The following CIMAP1C variants were observed in gnomAD, a reference collection of about 807,000 sequenced individuals.
CIMAP1C encodes the protein outer dense fiber of sperm tails 3 like 1.
chr15:75,726,212 T>TGGGGGGTGGGGGGGTG, the CIMAP1C span: 1 of 495,100 alleles, frequency 2.0e-6, no homozygotes, highest in Non-Finnish European at 3.7e-6. Flanking sequence ...GTTGGGAGGT[T>TGGGGGGTGGGGGGGTG]GGGGGGTGGG....
the CIMAP1C span, chr15:75,724,346 G>A: frequency 2.0e-6 from 3 of 1,481,542 alleles, no homozygotes; most frequent in Non-Finnish European, 2.8e-6. Context: ...CTGGGCTTGG[G>A]CCCCCTCCCC....
the CIMAP1C span, among the ~76,000 whole-genome samples, chr15:75,725,825 T>C: frequency 6.6e-6 from 1 of 152,272 alleles, no homozygotes; most frequent in Admixed American, 6.5e-5. Context: ...ATTGGGTGGG[T>C]GGCTGCCCAA....
the CIMAP1C span, chr15:75,726,214 G>T: frequency 8.0e-7 from 1 of 1,251,966 alleles, no homozygotes; most frequent in Non-Finnish European, 1.2e-6. Context: ...TGGGAGGTTG[G>T]GGGGTGGGGT....
the CIMAP1C span, chr15:75,726,247 G>A: frequency 2.1e-6 from 2 of 930,594 alleles, no homozygotes; most frequent in Admixed American, 2.1e-5. Context: ...CCTGGGCAGG[G>A]GCAAAGGGTC....
chr15:75,725,112 G>A, the CIMAP1C span: 878 of 1,612,456 alleles, frequency 5.4e-4, 2 homozygotes, highest in Admixed American at 1.1e-3. Flanking sequence ...TTACAGGTCC[G>A]GGGCCCGCCA....
the CIMAP1C span, chr15:75,727,352 C>T: frequency 6.2e-7 from 1 of 1,614,004 alleles, no homozygotes; most frequent in Non-Finnish European, 8.5e-7. Context: ...ATCCATCTAT[C>T]AGAACCGCAG....
At chr15:75,725,440 G>C in the CIMAP1C span, among the ~76,000 whole-genome samples, 2 of 152,240 alleles carry the variant, frequency 1.3e-5, no homozygotes, top group South Asian at 4.1e-4. Context: ...GCCCTGTCCA[G>C]CTGGCACAGC....
At chr15:75,727,269 G>A in the CIMAP1C span, 1 of 1,614,190 alleles carries the variant, frequency 6.2e-7, no homozygotes, top group Non-Finnish European at 8.5e-7. Context: ...CTGGCCTCCA[G>A]GGACAAGAAC....
chr15:75,727,652 C>T, the CIMAP1C span: 61 of 1,063,704 alleles, frequency 5.7e-5, no homozygotes, highest in East Asian at 1.2e-4. Context: ...GCTGAGTGTC[C>T]GGCACACAGA....
the CIMAP1C span, chr15:75,724,141 C>G: frequency 8.9e-7 from 1 of 1,124,656 alleles, no homozygotes; most frequent in Non-Finnish European, 1.4e-6. Flanking sequence ...ATACTCTAGC[C>G]CCTTGACTGC....
chr15:75,725,400 C>T, the CIMAP1C span, among the ~76,000 whole-genome samples: 3 of 152,254 alleles, frequency 2.0e-5, no homozygotes, highest in African/African-American at 7.2e-5. Context: ...CCCTAGCCGC[C>T]TCTCCCAAGG....
the CIMAP1C span, chr15:75,725,082 G>A: frequency 1.9e-6 from 3 of 1,549,322 alleles, no homozygotes; most frequent in Non-Finnish European, 2.7e-6. Flanking sequence ...GGCCCAGGCT[G>A]AGGGCTGTCC....
chr15:75,726,200 G>A, the CIMAP1C span: 1 of 1,453,832 alleles, frequency 6.9e-7, no homozygotes, highest in Non-Finnish European at 9.6e-7. Context: ...CAGATGTTGG[G>A]GGTTGGGAGG....
the CIMAP1C span, chr15:75,725,247 TG>T: frequency 6.0e-6 from 9 of 1,511,886 alleles, no homozygotes; most frequent in Non-Finnish European, 8.3e-6. Flanking sequence ...GTCATCCGGC[TG>T]GGGTTGGAGC....
the CIMAP1C span, chr15:75,727,579 A>T: frequency 1.3e-6 from 2 of 1,515,242 alleles, no homozygotes; most frequent in Non-Finnish European, 1.8e-6. Context: ...CATCCCCAGA[A>T]ATTATTTTTC....
At chr15:75,726,570 G>A in the CIMAP1C span, among the ~76,000 whole-genome samples, 1 of 152,112 alleles carries the variant, frequency 6.6e-6, no homozygotes. Context: ...GATGACCACT[G>A]TGTTGCCATC....
the CIMAP1C span, chr15:75,727,073 C>T: frequency 1.2e-6 from 2 of 1,613,040 alleles, no homozygotes; most frequent in African/African-American, 1.3e-5. Context: ...GAACCCCACC[C>T]TCGCATCCTG....
the CIMAP1C span, chr15:75,724,053 C>G: frequency 1.6e-6 from 1 of 615,152 alleles, no homozygotes; most frequent in Admixed American, 2.6e-5. Context: ...ACAGCCTTAG[C>G]TGCTCAAGCT....
the CIMAP1C span, chr15:75,726,032 A>G: frequency 1.1e-5 from 17 of 1,528,126 alleles, no homozygotes; most frequent in South Asian, 1.5e-4. Flanking sequence ...GGGGCTGACC[A>G]GGCCCTCTCC....
Sources: gnomAD v4.1 joint callset for allele counts (sites outside exome capture counted in the v4.1 genomes callset) on GRCh38, gnomAD v4.1.1 for gene constraint, MANE v1.5 for transcripts, NCBI Gene and HGNC (gene_info 2026-07-23, HGNC 2026-07-21) for gene names.